The following XRCC4 variants were observed in gnomAD, a reference collection of about 807,000 sequenced individuals.
XRCC4 encodes the protein X-ray repair cross complementing 4, also known as DNA repair protein XRCC4.
A neutral mutation model predicts 39.1 loss-of-function variants in XRCC4; 28 were observed. The ratio of observed to expected loss-of-function variants is 0.72; its 90% CI spans 0.53 to 0.98. The LOEUF (loss-of-function observed/expected upper bound fraction) is 0.98, where lower values mean the gene tolerates loss of function less well. Among genes scored for constraint, XRCC4 ranks in the 50% least tolerant of loss-of-function variants. XRCC4 has a pLI of 0.00. For synonymous variants in XRCC4, 123 were observed against 126.4 expected (o/e 0.97, Z 0.18); for missense variants, 350 against 376.4 (o/e 0.93, Z 0.58).
At chr5:83,099,430 AT>A (rs1745822234) in intron 1 of XRCC4, among the ~76,000 whole-genome samples, 1 of 152,202 alleles carries the variant, frequency 6.6e-6, no homozygotes, top group Admixed American at 6.5e-5. Context: ...ACTGCTCCTT[AT>A]CAGCATCCAA....
At chr5:83,125,658 A>G (rs1021905205) in intron 3 of XRCC4, among the ~76,000 whole-genome samples, 2 of 152,108 alleles carry the variant, frequency 1.3e-5, no homozygotes, top group Non-Finnish European at 2.9e-5. Context: ...CCAACACCAC[A>G]CTGTCTTAAT....
intron 7 of XRCC4, among the ~76,000 whole-genome samples, chr5:83,269,200 C>T (rs1482350781): frequency 4.6e-5 from 7 of 152,054 alleles, no homozygotes; most frequent in Non-Finnish European, 1.0e-4. Flanking sequence ...GAAAATTTGG[C>T]ATTACATATT....
At chr5:83,164,412 A>G (rs1749362168) in intron 3 of XRCC4, among the ~76,000 whole-genome samples, 1 of 152,186 alleles carries the variant, frequency 6.6e-6, no homozygotes, top group Non-Finnish European at 1.5e-5. Context: ...AAAACAACAA[A>G]TTTAAACATT....
chr5:83,139,924 A>G (rs1389428537), intron 3 of XRCC4, among the ~76,000 whole-genome samples: 2 of 152,192 alleles, frequency 1.3e-5, no homozygotes, highest in South Asian at 2.1e-4. Context: ...ACATTCACAC[A>G]TCTGCATTTG....
At chr5:83,144,232 C>A (rs1344000252) in intron 3 of XRCC4, among the ~76,000 whole-genome samples, 2 of 148,736 alleles carry the variant, frequency 1.3e-5, no homozygotes, top group African/African-American at 4.9e-5. Context: ...CAAAAGACAT[C>A]ATTTCCTTCT....
chr5:83,251,920 T>C (rs1029560827), intron 6 of XRCC4, among the ~76,000 whole-genome samples: 1 of 152,246 alleles, frequency 6.6e-6, no homozygotes, highest in Non-Finnish European at 1.5e-5. Flanking sequence ...TCGTCAGTTA[T>C]TCAGGTTAGG....
intron 7 of XRCC4, among the ~76,000 whole-genome samples, chr5:83,350,151 C>T (rs372262010): frequency 6.6e-6 from 1 of 152,090 alleles, no homozygotes; most frequent in Non-Finnish European, 1.5e-5. Flanking sequence ...ATTTTCTTTA[C>T]CCAGTCCACC....
chr5:83,199,819 T>TATCTATGCTCAA (rs1242273082), intron 4 of XRCC4, among the ~76,000 whole-genome samples: 3 of 152,184 alleles, frequency 2.0e-5, no homozygotes, highest in African/African-American at 7.2e-5. Flanking sequence ...CAGTGCTAGG[T>TATCTATGCTCAA]TGCTAATTAA....
At chr5:83,197,555 G>A (rs568877061) in intron 4 of XRCC4, among the ~76,000 whole-genome samples, 2 of 152,262 alleles carry the variant, frequency 1.3e-5, no homozygotes, top group South Asian at 2.1e-4. Flanking sequence ...AGCAGGGAAC[G>A]AAGATGGGGA....
chr5:83,286,128 A>G (rs930287347), intron 7 of XRCC4, among the ~76,000 whole-genome samples: 1 of 152,100 alleles, frequency 6.6e-6, no homozygotes, highest in African/African-American at 2.4e-5. Context: ...CTGAAATCTA[A>G]ATGTGACTCT....
At chr5:83,351,188 CCTT>C (rs1390047320) in intron 7 of XRCC4, among the ~76,000 whole-genome samples, 3 of 152,168 alleles carry the variant, frequency 2.0e-5, no homozygotes, top group African/African-American at 7.2e-5. Context: ...TTCCCTTTCA[CCTT>C]CTACCGTGAG....
intron 1 of XRCC4, among the ~76,000 whole-genome samples, chr5:83,091,501 A>T (rs1275123708): frequency 6.6e-6 from 1 of 152,114 alleles, no homozygotes; most frequent in Non-Finnish European, 1.5e-5. Flanking sequence ...ACACAGCCAA[A>T]CCATATCAAC....
intron 7 of XRCC4, among the ~76,000 whole-genome samples, chr5:83,348,421 A>G (rs1756983496): frequency 1.3e-5 from 2 of 152,204 alleles, no homozygotes; most frequent in African/African-American, 4.8e-5. Flanking sequence ...CAGGCTTAAC[A>G]CCACATGGAA....
At chr5:83,322,316 C>T (rs1314003802) in intron 7 of XRCC4, among the ~76,000 whole-genome samples, 9 of 152,010 alleles carry the variant, frequency 5.9e-5, no homozygotes, top group African/African-American at 1.7e-4. Context: ...GCTATGAACT[C>T]ACAATTTTCC....
chr5:83,237,029 G>C (rs1359685250), intron 6 of XRCC4, among the ~76,000 whole-genome samples: 1 of 152,014 alleles, frequency 6.6e-6, no homozygotes, highest in African/African-American at 2.4e-5. Flanking sequence ...TCTCACCCCA[G>C]TTAAAATGCC....
intron 6 of XRCC4, among the ~76,000 whole-genome samples, chr5:83,205,966 G>T (rs751329200): frequency 3.9e-5 from 6 of 152,040 alleles, no homozygotes; most frequent in African/African-American, 1.4e-4. Context: ...AGTTCCTGAC[G>T]CGTTTAAGCA....
chr5:83,342,185 T>C (rs1365171968), intron 7 of XRCC4, among the ~76,000 whole-genome samples: 53 of 152,340 alleles, frequency 3.5e-4, no homozygotes, highest in Non-Finnish European at 7.4e-5. Context: ...CATAACAATT[T>C]TGTTTATCTG....
At chr5:83,315,713 T>C (rs1193562078) in intron 7 of XRCC4, among the ~76,000 whole-genome samples, 1 of 152,158 alleles carries the variant, frequency 6.6e-6, no homozygotes, top group Non-Finnish European at 1.5e-5. Flanking sequence ...TTACTGATTA[T>C]TGCAGGCCTA....
At chr5:83,166,823 G>T (rs1200761206) in intron 3 of XRCC4, among the ~76,000 whole-genome samples, 9 of 151,732 alleles carry the variant, frequency 5.9e-5, no homozygotes, top group Admixed American at 2.0e-4. Context: ...GTTATTTTTT[G>T]ACTTTTAAAT....
Sources: allele counts gnomAD v4.1 joint callset (sites outside exome capture counted in the v4.1 genomes callset), GRCh38; gene constraint gnomAD v4.1.1; transcripts MANE v1.5; gene names NCBI Gene and HGNC (gene_info 2026-07-23, HGNC 2026-07-21).